Variants in PIGG observed in about 807,000 individuals in gnomAD.
PIGG encodes phosphatidylinositol glycan anchor biosynthesis class G (EMM blood group), also known as GPI ethanolamine phosphate transferase 2, catalytic subunit.
PIGG carries 70 observed loss-of-function variants against 83.2 expected under a neutral mutation model. The observed-to-expected ratio is 0.84, with a 90% CI of 0.69 to 1.03. The LOEUF is 1.03. Ranked by LOEUF, PIGG falls within the 50% of genes least tolerant of loss-of-function variation. The pLI, the probability that PIGG is intolerant of heterozygous loss-of-function variation, is 0.00. For synonymous variants in PIGG, 532 were observed against 519.5 expected, an observed-to-expected ratio of 1.02 and a Z score of -0.33; for missense variants, 1,257 against 1,233.6, an observed-to-expected ratio of 1.02 and a Z score of -0.28.
At chr4:505,133 G>A (rs971451432) in intron 2 of PIGG, among the ~76,000 whole-genome samples, 7 of 152,072 alleles carry the variant, frequency 4.6e-5, no homozygotes, top group South Asian at 2.1e-4. Context: ...TCACTTTGCC[G>A]TTTGCTTCAG....
chr4:502,592 A>T (rs185532570), intron 2 of PIGG, among the ~76,000 whole-genome samples: 2 of 152,300 alleles, frequency 1.3e-5, no homozygotes, highest in Non-Finnish European at 2.9e-5. Flanking sequence ...TTTCTTTCTT[A>T]AAGAACTTTC....
chr4:526,113 T>G (rs1043002651), intron 9 of PIGG, among the ~76,000 whole-genome samples: 1 of 152,208 alleles, frequency 6.6e-6, no homozygotes, highest in Non-Finnish European at 1.5e-5. Context: ...TGACAGTTAT[T>G]TTGAGGCAGC....
At chr4:527,699 A>G (rs1440347220) in intron 10 of PIGG, 6 of 985,266 alleles carry the variant, frequency 6.1e-6, no homozygotes, top group African/African-American at 1.7e-5. Context: ...CTTGTAATTT[A>G]TAACGAGCCC....
At chr4:517,623 A>G (rs1207878617) in intron 6 of PIGG, among the ~76,000 whole-genome samples, 1 of 152,130 alleles carries the variant, frequency 6.6e-6, no homozygotes, top group Non-Finnish European at 1.5e-5. Flanking sequence ...GGATCTGGCC[A>G]TGGAGGGTGA....
rs1236864337 is a variant in PIGG, at chr4:515,886, T to C, written c.902-87T>C. The stretch of plus-strand genomic sequence containing the variant: ...GTGAAGAGACGGATCATTTGGCTCA[T>C]GTTAGTTGTAGAAGGTCTAATTCAA... On this transcript the variant is annotated intron_variant, in intron 5 of 12. Transcript: ENST00000453061. The surrounding 1 kb of genome is among the most constrained non-coding windows in gnomAD (Gnocchi z 4.2). The C allele has an allele frequency of 3.0e-6, 3 of 1,001,860 alleles. No homozygotes were observed. Among genetic ancestry groups the C allele is most frequent in the East Asian group, 2.4e-5 (1 of 41,922 alleles). 62.1% of individuals were successfully genotyped at this position (1,001,860 alleles called of 1,614,324 possible).
chr4:518,776 C>CA (rs1240828111), intron 6 of PIGG, among the ~76,000 whole-genome samples: 1 of 152,104 alleles, frequency 6.6e-6, no homozygotes, highest in Non-Finnish European at 1.5e-5. Flanking sequence ...TGGAACCCCC[C>CA]CTGGCGGCCC....
At chr4:524,108 T>C (rs1726888413) in intron 9 of PIGG, among the ~76,000 whole-genome samples, 195 bp downstream of exon 9, 1 of 152,258 alleles carries the variant, frequency 6.6e-6, no homozygotes, top group Non-Finnish European at 1.5e-5. Context: ...AGTGAATTTA[T>C]TTGGGGGCTA....
In PIGG at chr4:521,697, T is replaced by C. The variant is rs757348373; in HGVS notation, c.1370T>C (p.Leu457Pro). 2.5e-5 allele frequency: 41 copies of C among 1,614,204 alleles called. No individual in the cohort carries two copies. Among genetic ancestry groups the C allele is most frequent in the Non-Finnish European group, 3.2e-5 (38 of 1,180,022 alleles). Reference protein sequence around the residue: ...TLLLLSVPQALRRKAELEVPL... With the variant: ...TLLLLSVPQAPRRKAELEVPL... ...CTCCTGCTCAGCGTCCCACAGGCAC[T>C]GCGCAGAAAGGCTGAGCTGGAAGTC... Residue 457 changes from leucine (L) to proline (P), a missense_variant, in exon 8 of 13, where the codon CTG (leucine) becomes CCG (proline). Leu to Pro is a moderately conservative substitution (Grantham distance 98). Transcript: ENST00000453061.
chr4:518,743 A>G (rs1385540572), intron 6 of PIGG, among the ~76,000 whole-genome samples: 1 of 147,624 alleles, frequency 6.8e-6, no homozygotes, highest in Non-Finnish European at 1.5e-5. Flanking sequence ...GCCTCCCTTG[A>G]CTGAAAACAC....
rs778593242 is a variant in PIGG at position 528,832 on chromosome 4, C to A, written c.2261+1602C>A. The A allele has an allele frequency of 3.6e-6, 2 of 559,642 alleles. No homozygotes were observed. The highest frequency in any genetic ancestry group is 4.5e-6 in the Non-Finnish European group (2 of 440,846). 34.7% of individuals were successfully genotyped at this position (559,642 alleles called of 1,614,324 possible). On this transcript the variant is annotated intron_variant, in intron 10 of 12. Coordinates refer to ENST00000453061, the MANE Select transcript of PIGG (RefSeq NM_001127178.3). The surrounding 1 kb of genome is among the most constrained non-coding windows in gnomAD (Gnocchi z 4.8). ...CTAGTGTCCAGAACTAGCCAGTGTGCCTTTTCTTTCCACACGCACTGCCTG... is the reference window on the plus strand; with the variant it reads ...CTAGTGTCCAGAACTAGCCAGTGTGACTTTTCTTTCCACACGCACTGCCTG...
rs1727839109 is a variant in PIGG, at chr4:527,082, C to G, written c.2113C>G (p.Leu705Val). 2 of 1,613,940 alleles carry G rather than the reference C, an allele frequency of 1.2e-6. No homozygotes were observed. Among genetic ancestry groups the G allele is most frequent in the Non-Finnish European group, 8.5e-7 (1 of 1,179,928 alleles). ...AELSVLAALS[L>V]LVVFVLVQRG... is the part of the protein sequence containing the mutation. Reference sequence around the variant, plus strand: ...GCTCTCTGTCCTGGCTGCCCTCTCCCTCCTCGTAGTTTTTGTGCTGGTGCA... The same window carrying G: ...GCTCTCTGTCCTGGCTGCCCTCTCCGTCCTCGTAGTTTTTGTGCTGGTGCA... Residue 705 changes from leucine (L) to valine (V), a missense_variant, in exon 10 of 13, where the codon CTC (leucine) becomes GTC (valine). Physicochemically the swap from Leu to Val is conservative, Grantham distance 32. Coordinates refer to ENST00000453061, the MANE Select transcript of PIGG (RefSeq NM_001127178.3).
chr4:512,478 C>G (rs1311357710), intron 5 of PIGG, among the ~76,000 whole-genome samples: 1 of 151,864 alleles, frequency 6.6e-6, no homozygotes, highest in African/African-American at 2.4e-5. Context: ...GCCTCCCAAC[C>G]ATTATCATAT....
At chr4:510,215 T>C (rs1721413585) in intron 5 of PIGG, among the ~76,000 whole-genome samples, 1 of 152,180 alleles carries the variant, frequency 6.6e-6, no homozygotes, top group Non-Finnish European at 1.5e-5. Context: ...AACCAGTCAT[T>C]AGCATTGGTT....
chr4:506,315 T>C (rs943743149), intron 3 of PIGG, among the ~76,000 whole-genome samples: 7 of 152,318 alleles, frequency 4.6e-5, no homozygotes, highest in Middle Eastern at 6.8e-3. Flanking sequence ...CACAGCCTGT[T>C]GGTTCTGCTG....
At chr4:502,710 G>A (rs1577001596) in intron 2 of PIGG, among the ~76,000 whole-genome samples, 1 of 152,050 alleles carries the variant, frequency 6.6e-6, no homozygotes, top group African/African-American at 2.4e-5. Flanking sequence ...TGGGATGAGG[G>A]GATGCCAAGT....
Position 521,287 on chromosome 4 carries a change from C to T in PIGG, c.1332+14C>T. ...GTGGTTTTGGAGGTACAGATGCTCA[C>T]ACAGTCATGGCTCAGGTGTTGCATT... On this transcript the variant is annotated intron_variant, in intron 7 of 12. Coordinates refer to ENST00000453061, the MANE Select transcript of PIGG (RefSeq NM_001127178.3). The T allele has an allele frequency of 1.3e-6, 2 of 1,572,810 alleles. No homozygotes were observed. The highest frequency in any genetic ancestry group is 1.7e-6 in the Non-Finnish European group (2 of 1,143,112).
At position 516,172 on chromosome 4, in the gene PIGG, G is replaced by A. The variant is rs190524353; in HGVS notation, c.1101G>A (p.Pro367=). ...GTAAACTGTTGCAAGAGAATGTGCCGTCATATGAAAAAGGTCAGTCAACTC... is the reference window on the plus strand; with the variant it reads ...GTAAACTGTTGCAAGAGAATGTGCCATCATATGAAAAAGGTCAGTCAACTC... The part of the protein sequence containing the change: ...QLSKLLQENV[P]SYEKDPGFEQ... Residue 367 remains proline, a synonymous_variant, in exon 6 of 13, where the codon CCG becomes CCA. Transcript: ENST00000453061. The A allele has an allele frequency of 1.5e-4, 242 of 1,612,358 alleles. No homozygotes were observed. The East Asian group carries it at 3.9e-3, about 26-fold the overall frequency.
At chr4:523,294 G>A (rs1005794893) in intron 8 of PIGG, among the ~76,000 whole-genome samples, 165 bp from the exon 9 acceptor site, 4 of 152,198 alleles carry the variant, frequency 2.6e-5, no homozygotes, top group African/African-American at 7.2e-5. Context: ...GGTTCCTGCC[G>A]TTGGAGCAGA....
intron 2 of PIGG, chr4:501,651 A>C (rs1294330607): frequency 6.4e-6 from 1 of 156,854 alleles, no homozygotes; most frequent in African/African-American, 2.4e-5. Context: ...TCTGAGACTG[A>C]AGGAAGCACA....
Sources: allele counts gnomAD v4.1 joint callset (sites outside exome capture counted in the v4.1 genomes callset), GRCh38; gene constraint gnomAD v4.1.1; non-coding constraint Gnocchi (gnomAD v3.1); transcripts MANE v1.5; gene names NCBI Gene and HGNC (gene_info 2026-07-23, HGNC 2026-07-21).